Variants in CDH12 observed in about 807,000 individuals in gnomAD.
The protein encoded by CDH12 is cadherin-12.
A neutral mutation model predicts 74.1 loss-of-function variants in CDH12; 41 were observed. The ratio of observed to expected loss-of-function variants is 0.55; its 90% CI spans 0.43 to 0.72. The LOEUF is 0.72. Among genes scored for constraint, CDH12 ranks in the 30% least tolerant of loss-of-function variants. CDH12 has a pLI of 0.00. For synonymous variants in CDH12, 399 were observed against 355.0 expected, an observed-to-expected ratio of 1.12 and a Z score of -1.39; for missense variants, 945 against 977.2, an observed-to-expected ratio of 0.97 and a Z score of 0.44.
At chr5:22,336,509 T>A (rs1273295960) in intron 3 of CDH12, among the ~76,000 whole-genome samples, 1 of 152,198 alleles carries the variant, frequency 6.6e-6, no homozygotes, top group African/African-American at 2.4e-5. Flanking sequence ...TTGTGCTGTG[T>A]GCAATTTAGG....
Position 22,604,032 on chromosome 5 carries a change from C to G in CDH12, c.-522-98668G>C, listed in dbSNP as rs143602484. On this transcript the variant is annotated intron_variant, in intron 1 of 14. Coordinates refer to ENST00000382254, the MANE Select transcript of CDH12 (RefSeq NM_004061.5). The stretch of plus-strand genomic sequence containing the variant: ...GGAATCTAGTTCACAGGTGGAGGGT[C>G]TGGTCTCTCTTAGGAACACAGACAA... Among the ~76,000 whole-genome samples the G allele has an allele frequency of 4.5e-3, 688 of 152,242 alleles. 4 individuals are homozygous for G. The highest frequency in any genetic ancestry group is 0.016 in the African/African-American group (650 of 41,540).
chr5:22,458,800 T>G (rs925198698), intron 2 of CDH12, among the ~76,000 whole-genome samples: 1 of 152,388 alleles, frequency 6.6e-6, no homozygotes, highest in Admixed American at 6.5e-5. Flanking sequence ...TTCTTTCAGC[T>G]GTTTCTTTTA....
intron 3 of CDH12, among the ~76,000 whole-genome samples, chr5:22,330,744 CAAAAAAAAAAA>C (rs1212274101): frequency 7.6e-5 from 4 of 52,356 alleles, no homozygotes; most frequent in African/African-American, 1.7e-4. Context: ...AGCGAGACTC[CAAAAAAAAAAA>C]AAAAAAAAAA....
At chr5:22,689,105 T>C (rs1404766691) in intron 1 of CDH12, among the ~76,000 whole-genome samples, 1 of 152,190 alleles carries the variant, frequency 6.6e-6, no homozygotes, top group Non-Finnish European at 1.5e-5. Flanking sequence ...GTTAACATCA[T>C]GGACAATCTG....
intron 3 of CDH12, among the ~76,000 whole-genome samples, chr5:22,303,298 T>C (rs1468971630): frequency 6.6e-6 from 1 of 152,102 alleles, no homozygotes; most frequent in South Asian, 2.1e-4. Flanking sequence ...AAAAGTCCAT[T>C]CAATAAAAAC....
intron 4 of CDH12, among the ~76,000 whole-genome samples, chr5:22,140,112 T>C (rs1561152844): frequency 6.6e-6 from 1 of 151,996 alleles, no homozygotes; most frequent in African/African-American, 2.4e-5. Context: ...CATGTTAGTA[T>C]CAGCATAGAA....
intron 2 of CDH12, among the ~76,000 whole-genome samples, chr5:22,503,805 T>C (rs1736274539): frequency 6.6e-6 from 1 of 152,108 alleles, no homozygotes; most frequent in African/African-American, 2.4e-5. Flanking sequence ...TTGGATGTTT[T>C]AATGCTCTGT....
intron 8 of CDH12, among the ~76,000 whole-genome samples, chr5:21,840,227 T>A (rs1357022010): frequency 6.6e-6 from 1 of 152,144 alleles, no homozygotes; most frequent in East Asian, 1.9e-4. Context: ...ACTATGAGGC[T>A]CCATATTACA....
chr5:22,385,884 CTTT>C (rs969476085), intron 3 of CDH12, among the ~76,000 whole-genome samples: 4 of 95,412 alleles, frequency 4.2e-5, no homozygotes, highest in African/African-American at 1.2e-4. Flanking sequence ...TGGCTACGCG[CTTT>C]TTTTTTTTTT....
intron 1 of CDH12, among the ~76,000 whole-genome samples, chr5:22,836,196 C>CT (rs57341312): frequency 3.8e-4 from 20 of 53,174 alleles, no homozygotes; most frequent in East Asian, 2.2e-3. Flanking sequence ...AATCCTGGTG[C>CT]TTTTTTTTCT....
intron 1 of CDH12, among the ~76,000 whole-genome samples, chr5:22,551,358 C>T (rs1014893650): frequency 6.6e-6 from 1 of 152,102 alleles, no homozygotes; most frequent in African/African-American, 2.4e-5. Context: ...GTTTAAGGTA[C>T]CCAGTCTTTA....
At chr5:21,820,125 G>C (rs991203532) in intron 8 of CDH12, among the ~76,000 whole-genome samples, 1 of 151,794 alleles carries the variant, frequency 6.6e-6, no homozygotes, top group African/African-American at 2.4e-5. Flanking sequence ...GTAATCCAAA[G>C]GGCATCAGAT....
chr5:22,154,549 GTACACATATATA>G (rs1747891412), intron 4 of CDH12, among the ~76,000 whole-genome samples: 1 of 145,244 alleles, frequency 6.9e-6, no homozygotes, highest in Non-Finnish European at 1.5e-5. Flanking sequence ...ATGTATATGT[GTACACATATATA>G]TACACATATG....
chr5:22,175,398 G>T (rs1490998660), intron 4 of CDH12, among the ~76,000 whole-genome samples: 3 of 151,692 alleles, frequency 2.0e-5, no homozygotes, highest in African/African-American at 7.3e-5. Flanking sequence ...TCTGTTAAAT[G>T]CCAGAAGGAC....
At chr5:22,785,879 T>A (rs1164610254) in intron 1 of CDH12, among the ~76,000 whole-genome samples, 1 of 152,128 alleles carries the variant, frequency 6.6e-6, no homozygotes, top group Non-Finnish European at 1.5e-5. Flanking sequence ...GGGGTGTAAA[T>A]TAGTTCAATC....
At chr5:22,055,279 C>T (rs183327014) in intron 5 of CDH12, among the ~76,000 whole-genome samples, 1 of 152,238 alleles carries the variant, frequency 6.6e-6, no homozygotes, top group African/African-American at 2.4e-5. Context: ...TGAGAAAGAA[C>T]CAGCCATTCT....
chr5:22,595,873 C>T (rs370791945), intron 1 of CDH12, among the ~76,000 whole-genome samples: 45 of 151,528 alleles, frequency 3.0e-4, no homozygotes, highest in East Asian at 2.9e-3. Flanking sequence ...GTCAGGAGCT[C>T]GAGACCATCC....
chr5:22,779,356 A>G (rs1747273055), intron 1 of CDH12, among the ~76,000 whole-genome samples: 1 of 151,988 alleles, frequency 6.6e-6, no homozygotes, highest in Admixed American at 6.6e-5. Flanking sequence ...TTTGATGAGG[A>G]CTTAAATGGA....
chr5:22,460,500 T>A (rs1236186088), intron 2 of CDH12, among the ~76,000 whole-genome samples: 1 of 152,146 alleles, frequency 6.6e-6, no homozygotes, highest in African/African-American at 2.4e-5. Context: ...AATCCAAACT[T>A]TGGAGGTGTG....
Sources: allele counts gnomAD v4.1 joint callset (sites outside exome capture counted in the v4.1 genomes callset), GRCh38; gene constraint gnomAD v4.1.1; transcripts MANE v1.5; gene names NCBI Gene and HGNC (gene_info 2026-07-23, HGNC 2026-07-21).